SIN3A: variants seen among roughly 807,000 people sequenced by gnomAD.
SIN3A encodes the protein paired amphipathic helix protein Sin3a.
SIN3A carries 14 observed loss-of-function variants against 146.1 expected under a neutral mutation model. The observed-to-expected ratio is 0.10, with a 90% CI of 0.06 to 0.15. The LOEUF (loss-of-function observed/expected upper bound fraction) is 0.15. Ranked by LOEUF, SIN3A falls within the 10% of genes least tolerant of loss-of-function variation. SIN3A has a pLI of 1.00. For missense variants in SIN3A, 1,028 were observed against 1,576.0 expected, an observed-to-expected ratio of 0.65 and a Z score of 5.89; for synonymous variants, 572 against 572.0, an observed-to-expected ratio of 1.00 and a Z score of 0.00.
At chr15:75,417,764 T>C (rs1304653810) in intron 3 of SIN3A, among the ~76,000 whole-genome samples, 1 of 152,166 alleles carries the variant, frequency 6.6e-6, no homozygotes, top group Non-Finnish European at 1.5e-5. Flanking sequence ...CTGAAATGTG[T>C]CCCACAAAAT....
chr15:75,387,683 A>T (rs1278422399), intron 16 of SIN3A, among the ~76,000 whole-genome samples: 3 of 152,094 alleles, frequency 2.0e-5, no homozygotes, highest in Non-Finnish European at 4.4e-5. Context: ...GAATTATTAA[A>T]AGTTAGTTTT....
intron 2 of SIN3A, among the ~76,000 whole-genome samples, chr15:75,424,547 C>T (rs2073893160): frequency 6.6e-6 from 1 of 152,164 alleles, no homozygotes; most frequent in South Asian, 2.1e-4. Flanking sequence ...AATCATGGCT[C>T]ACTGCAGCCT....
chr15:75,389,700 G>C lies in SIN3A; in HGVS notation c.2973C>G (p.Ala991=). Residue 991 remains alanine, a synonymous_variant, in exon 16 of 21, where the codon GCC becomes GCG. Coordinates refer to ENST00000394947, the MANE Select transcript of SIN3A (RefSeq NM_001145358.2). ...GTTTGTCCATGGTAAAGGCAATGTA[G>C]GCATGAATGGTGAACATCTCTCTCA... The part of the protein sequence containing the change: ...DSLREMFTIH[A]YIAFTMDKLI... 1 of 1,614,120 alleles carries C rather than the reference G, an allele frequency of 6.2e-7. No homozygotes were observed. The highest frequency in any genetic ancestry group is 8.5e-7 in the Non-Finnish European group (1 of 1,180,010).
chr15:75,423,887 T>C (rs1296802504), intron 2 of SIN3A, among the ~76,000 whole-genome samples: 2 of 151,782 alleles, frequency 1.3e-5, no homozygotes, highest in Non-Finnish European at 2.9e-5. Context: ...TCCCAGCTAC[T>C]GAGAGGCTGA....
chr15:75,407,892 CAAAAAAAAAAAAAAAA>C (rs775913884), intron 8 of SIN3A, among the ~76,000 whole-genome samples: 2 of 24,640 alleles, frequency 8.1e-5, no homozygotes, highest in Non-Finnish European at 6.2e-5. Context: ...GACTCCATCT[CAAAAAAAAAAAAAAAA>C]AAAAAAAAAA....
intron 13 of SIN3A, 116 bp from the exon 14 acceptor site, chr15:75,394,979 A>C: frequency 1.1e-6 from 1 of 894,318 alleles, no homozygotes; most frequent in Non-Finnish European, 1.7e-6. Flanking sequence ...TAGGTCTCTC[A>C]AAATTACTGG....
At chr15:75,423,939 G>A (rs1372206330) in intron 2 of SIN3A, among the ~76,000 whole-genome samples, 1 of 152,088 alleles carries the variant, frequency 6.6e-6, no homozygotes, top group African/African-American at 2.4e-5. Flanking sequence ...AGGTTGCAGT[G>A]AGCTGAGATC....
chr15:75,378,583 C>T (rs2072908932), intron 19 of SIN3A, among the ~76,000 whole-genome samples: 3 of 152,058 alleles, frequency 2.0e-5, no homozygotes, highest in Admixed American at 6.6e-5. Context: ...AAAACAAAAA[C>T]AAAAACTATC....
chr15:75,450,582 T>A (rs1461011087), intron 1 of SIN3A, among the ~76,000 whole-genome samples: 1 of 151,462 alleles, frequency 6.6e-6, no homozygotes, highest in Non-Finnish European at 1.5e-5. Flanking sequence ...AAGAGGGGAG[T>A]GGGGGTGACC....
Position 75,412,884 on chromosome 15 carries a change from G to A in SIN3A, c.635C>T (p.Pro212Leu), listed in dbSNP as rs779056335. The change falls in exon 5 of 21, where the codon CCC (proline) becomes CTC (leucine). Residue 212 changes from proline (P) to leucine (L), a missense_variant. By Grantham distance (98) the Pro-to-Leu change is moderately conservative (BLOSUM62 -3). This residue lies in a region of SIN3A where 112 missense variants were observed against 135.7 expected (regional missense o/e 0.83). Coordinates refer to ENST00000394947, the MANE Select transcript of SIN3A (RefSeq NM_001145358.2). ...VTTPGQVHQIPTHGIQPQPQP... is the reference protein window; with the variant it reads ...VTTPGQVHQILTHGIQPQPQP... ...AGGCTGTGGCTGGATGCCATGGGTG[G>A]GAATCTGATGAACCTGGCCAGGAGT... 5.0e-6 allele frequency: 8 copies of A among 1,613,426 alleles called. No individual in the cohort carries two copies. The Admixed American group carries it at 5.0e-5, about 10-fold the overall frequency.
At chr15:75,435,649 G>C (rs2074094076) in intron 1 of SIN3A, among the ~76,000 whole-genome samples, 1 of 148,144 alleles carries the variant, frequency 6.8e-6, no homozygotes, top group Admixed American at 6.8e-5. Flanking sequence ...GGTGAGCCAA[G>C]ATGGCGCCAC....
chr15:75,426,563 T>C (rs1331118605), intron 2 of SIN3A, among the ~76,000 whole-genome samples: 1 of 152,196 alleles, frequency 6.6e-6, no homozygotes, highest in African/African-American at 2.4e-5. Context: ...AGTAGAAAGA[T>C]ATCCACTATA....
At chr15:75,413,073 A>G in intron 4 of SIN3A, 28 bp from the exon 5 acceptor site, 1 of 1,581,120 alleles carries the variant, frequency 6.3e-7, no homozygotes. Context: ...GAAAAGTGAT[A>G]AACTGTAAGC....
chr15:75,403,645 A>G (rs906261308), intron 9 of SIN3A, among the ~76,000 whole-genome samples: 1 of 150,754 alleles, frequency 6.6e-6, no homozygotes, highest in Non-Finnish European at 1.5e-5. Context: ...GGTTCAAGCG[A>G]TTCTCCTGCC....
intron 10 of SIN3A, 111 bp from the exon 11 acceptor site, chr15:75,401,051 T>C: frequency 1.4e-6 from 1 of 718,448 alleles, no homozygotes; most frequent in Non-Finnish European, 2.3e-6. Flanking sequence ...CAGGGATGAA[T>C]TATTTCCTGC....
chr15:75,454,563 C>A (rs2074460804), upstream of SIN3A, among the ~76,000 whole-genome samples: 1 of 151,426 alleles, frequency 6.6e-6, no homozygotes, highest in African/African-American at 2.4e-5. Flanking sequence ...GCGCCCCCCG[C>A]GCCCCTCCCC....
intron 3 of SIN3A, chr15:75,415,994 G>T: frequency 2.9e-6 from 1 of 339,910 alleles, no homozygotes; most frequent in Non-Finnish European, 5.7e-6. Flanking sequence ...GGCACAGAAA[G>T]CTGAAGGTGC....
At chr15:75,404,096 T>G (rs1357028606) in intron 9 of SIN3A, among the ~76,000 whole-genome samples, 1 of 152,210 alleles carries the variant, frequency 6.6e-6, no homozygotes. Flanking sequence ...AGCACTGTGA[T>G]CCTTTGGTGA....
chr15:75,413,367 C>T (rs895598944), intron 4 of SIN3A, among the ~76,000 whole-genome samples: 20 of 151,996 alleles, frequency 1.3e-4, no homozygotes, highest in Admixed American at 9.8e-4. Flanking sequence ...GTGATCCGCC[C>T]ACCTTGGCCT....
Sources: gnomAD v4.1 joint callset for allele counts (sites outside exome capture counted in the v4.1 genomes callset) on GRCh38, gnomAD v4.1.1 for gene constraint, gnomAD v4.1.1 regional missense constraint, MANE v1.5 for transcripts, NCBI Gene and HGNC (gene_info 2026-07-23, HGNC 2026-07-21) for gene names.